Variants in MRPS27 observed in about 807,000 individuals in gnomAD.
MRPS27 encodes the protein mitochondrial ribosomal protein S27.
Under a neutral mutation model 48.9 loss-of-function variants are expected in MRPS27, and 43 were observed. That is an observed-to-expected ratio of 0.88 (90% confidence interval 0.69 to 1.13). The LOEUF (loss-of-function observed/expected upper bound fraction) is 1.13. Ranked by LOEUF, MRPS27 falls within the 50% of genes most tolerant of loss-of-function variation. The pLI is 0.00. For synonymous variants in MRPS27, 188 were observed against 171.9 expected (o/e 1.09, Z -0.73); for missense variants, 467 against 476.3 (o/e 0.98, Z 0.18).
intron 4 of MRPS27, among the ~76,000 whole-genome samples, chr5:72,238,511 G>GA (rs1286930238): frequency 6.6e-6 from 1 of 152,110 alleles, no homozygotes; most frequent in African/African-American, 2.4e-5. Context: ...AACAAATGAA[G>GA]AAAATGAAAA....
chr5:72,312,777 C>T (rs960792435), intron 2 of MRPS27, among the ~76,000 whole-genome samples: 67 of 151,918 alleles, frequency 4.4e-4, no homozygotes, highest in African/African-American at 1.3e-3. Flanking sequence ...CCTGCCACTG[C>T]GCCCGGCTAA....
At chr5:72,280,918 T>C (rs568285488) in intron 4 of MRPS27, among the ~76,000 whole-genome samples, 169 of 152,348 alleles carry the variant, frequency 1.1e-3, no homozygotes, top group African/African-American at 3.9e-3. Context: ...GCAATACGGG[T>C]ACACGTATGA....
At chr5:72,256,430 T>C (rs958970331) in intron 4 of MRPS27, among the ~76,000 whole-genome samples, 4 of 152,232 alleles carry the variant, frequency 2.6e-5, no homozygotes, top group African/African-American at 9.6e-5. Context: ...CATCCTATGA[T>C]TGAATATATA....
At chr5:72,295,410 A>G in intron 4 of MRPS27, 121 bp downstream of exon 4, 1 of 726,916 alleles carries the variant, frequency 1.4e-6, no homozygotes, top group Non-Finnish European at 2.4e-6. Context: ...TACTCATATG[A>G]AAAGATCTTT....
intron 2 of MRPS27, among the ~76,000 whole-genome samples, chr5:72,298,826 G>A (rs922156290): frequency 1.2e-4 from 18 of 151,204 alleles, no homozygotes; most frequent in Non-Finnish European, 2.1e-4. Flanking sequence ...ATATGCACTC[G>A]ATGTTCACCG....
At chr5:72,222,657 G>T (rs12189145) in intron 10 of MRPS27, 4 of 152,104 alleles carry the variant, frequency 2.6e-5, no homozygotes, top group Non-Finnish European at 5.9e-5. Context: ...TTTAGCCTTT[G>T]TAAATACACA....
Position 72,232,605 on chromosome 5 carries a change from A to T in MRPS27, c.476-47T>A, listed in dbSNP as rs777133662. The T allele has an allele frequency of 2.3e-6, 3 of 1,282,158 alleles. No individual in the cohort carries two copies. In the South Asian group the frequency reaches 3.7e-5, roughly 16 times the overall value. 79.4% of individuals were successfully genotyped at this position (1,282,158 alleles called of 1,614,324 possible). On this transcript the variant is annotated intron_variant, in intron 6 of 10. Coordinates refer to ENST00000261413, the MANE Select transcript of MRPS27 (RefSeq NM_015084.3). ...AAAGAGAGGAAATTAGTTGTAGGTAATATTACTAAATCTCTATTTAACTAT... is the reference window on the plus strand; with the variant it reads ...AAAGAGAGGAAATTAGTTGTAGGTATTATTACTAAATCTCTATTTAACTAT...
intron 2 of MRPS27, among the ~76,000 whole-genome samples, chr5:72,306,859 A>AGGTG (rs1750283064): frequency 6.6e-6 from 1 of 152,190 alleles, no homozygotes; most frequent in Non-Finnish European, 1.5e-5. Context: ...GAGTTGATGA[A>AGGTG]ACAACACTGG....
chr5:72,315,674 C>T (rs1042998054), intron 1 of MRPS27, among the ~76,000 whole-genome samples: 1 of 151,910 alleles, frequency 6.6e-6, no homozygotes. Flanking sequence ...ACAAAATCAC[C>T]TGGAGAAACG....
intron 2 of MRPS27, among the ~76,000 whole-genome samples, chr5:72,312,203 T>C (rs1371830395): frequency 6.6e-6 from 1 of 152,192 alleles, no homozygotes; most frequent in Non-Finnish European, 1.5e-5. Flanking sequence ...TGCCATGTCA[T>C]TTGTGACATA....
At chr5:72,259,660 G>T (rs1358832637) in intron 4 of MRPS27, among the ~76,000 whole-genome samples, 2 of 151,874 alleles carry the variant, frequency 1.3e-5, no homozygotes, top group East Asian at 3.9e-4. Flanking sequence ...CTGGTATTCT[G>T]GTGTTTATTT....
chr5:72,246,964 A>C (rs1748524835), intron 4 of MRPS27, among the ~76,000 whole-genome samples: 1 of 152,214 alleles, frequency 6.6e-6, no homozygotes, highest in Non-Finnish European at 1.5e-5. Context: ...TAGGAGCAGA[A>C]TCAACAGAAA....
chr5:72,260,426 C>A (rs1240560989), intron 4 of MRPS27, among the ~76,000 whole-genome samples: 2 of 152,134 alleles, frequency 1.3e-5, no homozygotes, highest in Non-Finnish European at 2.9e-5. Flanking sequence ...CTTTGTTTTT[C>A]CTACTGTTTT....
intron 4 of MRPS27, among the ~76,000 whole-genome samples, chr5:72,291,018 C>A (rs73127291): frequency 6.6e-6 from 1 of 152,134 alleles, no homozygotes; most frequent in South Asian, 2.1e-4. Flanking sequence ...ACCCTGCCAG[C>A]GCTGGTCTCC....
chr5:72,316,999 A>T lies in MRPS27; in HGVS notation c.74-2841T>A, dbSNP rs1750581981. On this transcript the variant is annotated intron_variant, in intron 1 of 10. Coordinates refer to ENST00000261413, the MANE Select transcript of MRPS27 (RefSeq NM_015084.3). ...AGCCGAGATCACGCCATTGCATTCCAACCTGGGCAATAAGAGCGAAACTCC... is the reference window on the plus strand; with the variant it reads ...AGCCGAGATCACGCCATTGCATTCCTACCTGGGCAATAAGAGCGAAACTCC... Among the ~76,000 whole-genome samples, 4 of 151,368 alleles carry T rather than the reference A, an allele frequency of 2.6e-5. No homozygotes were observed. The South Asian group carries it at 8.4e-4, about 32-fold the overall frequency.
intron 4 of MRPS27, among the ~76,000 whole-genome samples, chr5:72,277,950 G>T (rs1749422574): frequency 6.6e-6 from 1 of 152,180 alleles, no homozygotes; most frequent in Admixed American, 6.5e-5. Flanking sequence ...GGGGGTGGAG[G>T]AGGGAGAGTA....
intron 5 of MRPS27, among the ~76,000 whole-genome samples, chr5:72,234,770 T>C (rs1748157562): frequency 1.3e-5 from 2 of 152,094 alleles, no homozygotes; most frequent in Admixed American, 1.3e-4. Context: ...CTCAGAGTGT[T>C]TTTAACAATA....
intron 4 of MRPS27, among the ~76,000 whole-genome samples, chr5:72,271,758 G>A (rs1369143252): frequency 2.6e-5 from 4 of 152,124 alleles, no homozygotes; most frequent in South Asian, 4.1e-4. Context: ...CAAATAATCA[G>A]TATTAATAAA....
chr5:72,291,630 A>G (rs1254492247), intron 4 of MRPS27, among the ~76,000 whole-genome samples: 2 of 152,282 alleles, frequency 1.3e-5, no homozygotes, highest in African/African-American at 4.8e-5. Context: ...TGCTGCCTAC[A>G]TTCATAAATG....
Sources: allele counts gnomAD v4.1 joint callset (sites outside exome capture counted in the v4.1 genomes callset), GRCh38; gene constraint gnomAD v4.1.1; transcripts MANE v1.5; gene names NCBI Gene and HGNC (gene_info 2026-07-23, HGNC 2026-07-21).